LGALS9C: variants seen among roughly 807,000 people sequenced by gnomAD.
The protein encoded by LGALS9C is galectin 9C.
In LGALS9C, 7 loss-of-function variants were observed where a neutral mutation model predicts 41.3. That is an observed-to-expected ratio of 0.17 (90% CI 0.10 to 0.32). The LOEUF is 0.32. LGALS9C is among the 10% of genes least tolerant of loss of function. The pLI is 1.00. For synonymous variants in LGALS9C, 44 were observed against 171.0 expected (o/e 0.26, Z 5.80); for missense variants, 102 against 455.2 (o/e 0.22, Z 7.06).
chr17:18,484,070 G>A lies in LGALS9C; in HGVS notation c.131+104G>A, dbSNP rs1989497060. ...TTCAAACAACAACATCCAAGCTCAC[G>A]TGCCTGGCGCAGGGGAGACCCAATG... On this transcript the variant is annotated intron_variant, in intron 2 of 10. Coordinates refer to ENST00000328114, the MANE Select transcript of LGALS9C (RefSeq NM_001040078.3). 1.2e-5 allele frequency: 14 copies of A among 1,161,200 alleles called. 3 individuals are homozygous for A. The highest frequency in any genetic ancestry group is 2.3e-5 in the East Asian group (1 of 43,376). 71.9% of individuals were successfully genotyped at this position (1,161,200 alleles called of 1,614,324 possible). A position where few individuals can be genotyped will look rare whatever the true frequency, so the allele number is the denominator to read the frequency against.
At position 18,492,975 on chromosome 17, in the gene LGALS9C, C is replaced by T. The variant is rs1989878875; in HGVS notation, c.924+116C>T. ...AGCTGATGCCTCTGGGATGAGGGCC[C>T]AGAAGAAAAGGTGGCCAAAAAATTA... On this transcript the variant is annotated intron_variant, in intron 10 of 10. Coordinates refer to ENST00000328114, the MANE Select transcript of LGALS9C (RefSeq NM_001040078.3). 3 of 1,300,014 alleles carry T rather than the reference C, an allele frequency of 2.3e-6. No homozygotes were observed. The African/African-American group carries it at 4.3e-5, about 19-fold the overall frequency. 80.5% of individuals were successfully genotyped at this position (1,300,014 alleles called of 1,614,324 possible). A position where few individuals can be genotyped will look rare whatever the true frequency, so the allele number is the denominator to read the frequency against.
At chr17:18,484,699 A>C (rs1230323809) in intron 2 of LGALS9C, among the ~76,000 whole-genome samples, 2 of 150,806 alleles carry the variant, frequency 1.3e-5, no homozygotes, top group African/African-American at 2.4e-5. Flanking sequence ...CTCTCTCGGA[A>C]GCCTCTCTGC....
intron 4 of LGALS9C, 133 bp from the exon 5 acceptor site, chr17:18,488,808 G>C: frequency 7.8e-7 from 1 of 1,277,042 alleles, no homozygotes; most frequent in South Asian, 1.4e-5. Context: ...TCCCGCCTCC[G>C]TGTGGCCCTA....
chr17:18,483,333 TG>T (rs1989463481), intron 1 of LGALS9C, among the ~76,000 whole-genome samples: 1 of 135,652 alleles, frequency 7.4e-6, no homozygotes, highest in Admixed American at 7.2e-5. Flanking sequence ...ATGGTGGTGG[TG>T]GGGAGAGGTG....
chr17:18,482,568 A>C (rs866039170), intron 1 of LGALS9C, among the ~76,000 whole-genome samples: 1,790 of 144,550 alleles, frequency 0.012, 4 homozygotes, highest in African/African-American at 0.043. Context: ...AGTTCTGCCA[A>C]TACTAAGCCC....
chr17:18,492,362 A>G (rs1320734161), intron 8 of LGALS9C, 95 bp from the exon 9 acceptor site: 3 of 1,457,598 alleles, frequency 2.1e-6, no homozygotes, highest in Non-Finnish European at 2.8e-6. Flanking sequence ...TTCTCAGCTG[A>G]CAGCCTAAAT....
intron 1 of LGALS9C, among the ~76,000 whole-genome samples, chr17:18,483,067 C>G (rs1598143024): frequency 8.0e-6 from 1 of 125,324 alleles, no homozygotes; most frequent in Admixed American, 7.7e-5. Context: ...AATAGGCTTC[C>G]CAAGGCCACT....
chr17:18,480,124 C>T (rs1206077282), intron 1 of LGALS9C, among the ~76,000 whole-genome samples: 2 of 120,104 alleles, frequency 1.7e-5, no homozygotes, highest in African/African-American at 5.3e-5. Context: ...GGGAGGATCG[C>T]GTGAGCCTGG....
intron 1 of LGALS9C, among the ~76,000 whole-genome samples, chr17:18,478,029 A>T (rs8067002): frequency 8.3e-6 from 1 of 120,988 alleles, no homozygotes; most frequent in African/African-American, 2.7e-5. Flanking sequence ...TCTAGACTCC[A>T]GAGAGGAAGA....
chr17:18,487,922 C>A (rs1475116764), intron 4 of LGALS9C, among the ~76,000 whole-genome samples, 165 bp downstream of exon 4: 1 of 141,708 alleles, frequency 7.1e-6, no homozygotes, highest in Non-Finnish European at 1.6e-5. Context: ...TCTCCTCTGT[C>A]ACTCTGCCCC....
At position 18,494,503 on chromosome 17, in the gene LGALS9C, G is replaced by A. The variant is rs143411356; in HGVS notation, c.*136G>A. ...TAATGCAGAGGCCATGTCCTTATCTGGTCCTGCTTCTGGCTACAGCCACCC... is the reference window on the plus strand; with the variant it reads ...TAATGCAGAGGCCATGTCCTTATCTAGTCCTGCTTCTGGCTACAGCCACCC... On this transcript the variant is annotated 3_prime_UTR_variant, in exon 11 of 11. Coordinates refer to ENST00000328114, the MANE Select transcript of LGALS9C (RefSeq NM_001040078.3). The A allele has an allele frequency of 0.065, 66,594 of 1,025,280 alleles. 2,097 individuals are homozygous for A. Among genetic ancestry groups the A allele is most frequent in the African/African-American group, 0.28 (16,949 of 60,838 alleles). 63.5% of individuals were successfully genotyped at this position (1,025,280 alleles called of 1,614,324 possible).
chr17:18,476,858 G>C lies in LGALS9C; in HGVS notation c.4G>C (p.Ala2Pro). ...TGGCCACAGAGGCGGTGGAGAGATG[G>C]CCTTCAGCGGTTGCCAGGCTCCCTA... The part of the protein sequence containing the change: M[A>P]FSGCQAPYLS... Residue 2 changes from alanine (A) to proline (P), a missense_variant, in exon 1 of 11, where the codon GCC (alanine) becomes CCC (proline). Physicochemically the swap from Ala to Pro is conservative, Grantham distance 27 (BLOSUM62 -1). Coordinates refer to ENST00000328114, the MANE Select transcript of LGALS9C (RefSeq NM_001040078.3). 2 of 1,600,384 alleles carry C rather than the reference G, an allele frequency of 1.2e-6. No individual in the cohort carries two copies. The highest frequency in any genetic ancestry group is 1.7e-6 in the Non-Finnish European group (2 of 1,169,802).
intron 4 of LGALS9C, among the ~76,000 whole-genome samples, chr17:18,488,224 G>A (rs573716406): frequency 7.9e-6 from 1 of 127,178 alleles, no homozygotes; most frequent in East Asian, 1.9e-4. Context: ...ATTCATTGAG[G>A]AGACAGATAT....
At chr17:18,480,226 A>G (rs1481940087) in intron 1 of LGALS9C, among the ~76,000 whole-genome samples, 1 of 124,268 alleles carries the variant, frequency 8.0e-6, no homozygotes, top group African/African-American at 2.6e-5. Context: ...AAAAAAAAAA[A>G]CACAACAAAC....
At chr17:18,476,941 C>A (rs760099597) in intron 1 of LGALS9C, 48 bp downstream of exon 1, 57 of 1,506,432 alleles carry the variant, frequency 3.8e-5, no homozygotes, top group Non-Finnish European at 4.9e-5. Context: ...CAGGGGGACA[C>A]AGTTCTGGGG....
At chr17:18,480,069 A>C (rs1173643628) in intron 1 of LGALS9C, among the ~76,000 whole-genome samples, 6 of 119,348 alleles carry the variant, frequency 5.0e-5, no homozygotes, top group African/African-American at 1.3e-4. Flanking sequence ...TTAGCCAGGC[A>C]TGGTGGTGCA....
At chr17:18,484,673 C>T (rs1372766926) in intron 2 of LGALS9C, among the ~76,000 whole-genome samples, 1 of 150,388 alleles carries the variant, frequency 6.6e-6, no homozygotes, top group Non-Finnish European at 1.5e-5. Flanking sequence ...ACAGAAGAGC[C>T]TCTGGACTCA....
intron 1 of LGALS9C, among the ~76,000 whole-genome samples, chr17:18,483,354 T>C (rs2151664699): frequency 7.6e-6 from 1 of 131,238 alleles, no homozygotes; most frequent in South Asian, 2.5e-4. Flanking sequence ...GCATGCCTTC[T>C]TCTTGACACT....
chr17:18,491,415 G>T (rs1598151887), intron 7 of LGALS9C, 92 bp downstream of exon 7: 1 of 1,275,666 alleles, frequency 7.8e-7, no homozygotes, highest in East Asian at 2.3e-5. Context: ...TGGGAAGAAA[G>T]CGGTTTAGCA....
Sources: gnomAD v4.1 joint callset for allele counts (sites outside exome capture counted in the v4.1 genomes callset) on GRCh38, gnomAD v4.1.1 for gene constraint, MANE v1.5 for transcripts, NCBI Gene and HGNC (gene_info 2026-07-23, HGNC 2026-07-21) for gene names.